Variants in STAG3 observed in about 807,000 individuals in gnomAD.
STAG3 encodes the protein STAG3 cohesin complex component.
In STAG3, 101 loss-of-function variants were observed where a neutral mutation model predicts 160.7. The ratio of observed to expected loss-of-function variants is 0.63; its 90% CI spans 0.54 to 0.74. STAG3 has a LOEUF of 0.74. Ranked by LOEUF, STAG3 falls within the 30% of genes least tolerant of loss-of-function variation. STAG3 has a pLI of 0.00. For missense variants in STAG3, 1,188 were observed against 1,517.4 expected (o/e 0.78, Z 3.61); for synonymous variants, 519 against 585.0 (o/e 0.89, Z 1.63).
rs1243589204 is a variant in STAG3 at position 100,182,337 on chromosome 7, C to G, written c.219+145C>G. The stretch of plus-strand genomic sequence containing the variant: ...TTGCGCCCCTGCACTCTAGCCTGGG[C>G]GACAGAGCGAGACTCCGTCTCAAAA... On this transcript the variant is annotated intron_variant, in intron 3 of 33. Transcript: ENST00000615138. The G allele has an allele frequency of 8.7e-6, 5 of 572,208 alleles. No homozygotes were observed. In the Admixed American group the frequency reaches 9.4e-5, roughly 11 times the overall value. 35.4% of individuals were successfully genotyped at this position (572,208 alleles called of 1,614,324 possible).
intron 6 of STAG3, 75 bp from the exon 7 acceptor site, chr7:100,188,737 T>G (rs1197950842): frequency 1.4e-6 from 2 of 1,474,886 alleles, no homozygotes; most frequent in Non-Finnish European, 1.9e-6. Context: ...GACTGTTGAG[T>G]TTTGACATCC....
intron 12 of STAG3, 91 bp from the exon 13 acceptor site, chr7:100,198,383 CT>C: frequency 7.1e-7 from 1 of 1,413,498 alleles, no homozygotes; most frequent in Non-Finnish European, 1.0e-6. Context: ...GAGTTATGTC[CT>C]TGTTGCTTTT....
chr7:100,201,605 T>G, intron 21 of STAG3, 181 bp from the exon 22 acceptor site: 1 of 644,896 alleles, frequency 1.6e-6, no homozygotes, highest in East Asian at 2.7e-5. Flanking sequence ...TAGGGAGCGG[T>G]GACATTTCTA....
At chr7:100,213,042 C>T (rs1255538016) in intron 32 of STAG3, 1 of 154,738 alleles carries the variant, frequency 6.5e-6, no homozygotes, top group African/African-American at 2.4e-5. Flanking sequence ...GTATGTATTT[C>T]TCACAGTTCT....
chr7:100,213,964 C>T (rs761280452), intron 33 of STAG3, 43 bp from the exon 34 acceptor site: 32 of 1,613,940 alleles, frequency 2.0e-5, no homozygotes, highest in Middle Eastern at 1.6e-4. Flanking sequence ...CCCATTGGCC[C>T]GTTGCTGTGT....
At chr7:100,191,991 TC>T (rs1286266593) in intron 8 of STAG3, among the ~76,000 whole-genome samples, 1 of 152,274 alleles carries the variant, frequency 6.6e-6, no homozygotes, top group African/African-American at 2.4e-5. Context: ...CTTTCCTTGC[TC>T]ATTCATAAGA....
chr7:100,199,214 G>A, intron 14 of STAG3, 48 bp from the exon 15 acceptor site: 1 of 1,265,646 alleles, frequency 7.9e-7, no homozygotes, highest in Non-Finnish European at 1.2e-6. Context: ...ACTTCGTAGG[G>A]TATTTTTAAC....
rs371789529 is a variant in STAG3 at position 100,211,450 on chromosome 7, A to G, written c.3429A>G (p.Ala1143=). The change falls in exon 31 of 34, where the codon GCA becomes GCG. Residue 1143 remains alanine, a synonymous_variant. Transcript: ENST00000615138. ...LDFAQGSQPV[A]GTERSRFLGP... ...TCATTCCCAGCAGTCAGCCCGTCGC[A>G]GGCACCGAGAGGTCAAGGTTCTTGG... 26 of 1,613,604 alleles carry G rather than the reference A, an allele frequency of 1.6e-5. No individual in the cohort carries two copies. The highest frequency in any genetic ancestry group is 2.2e-5 in the Non-Finnish European group (26 of 1,179,942).
At chr7:100,217,125 T>C (rs1802829308), downstream of STAG3, among the ~76,000 whole-genome samples, 1 of 152,274 alleles carries the variant, frequency 6.6e-6, no homozygotes, top group South Asian at 2.1e-4. Flanking sequence ...TTATCTACAC[T>C]TGATCTTGGC....
chr7:100,182,040 A>G (rs1258236663), intron 2 of STAG3, 50 bp from the exon 3 acceptor site: 5 of 1,380,724 alleles, frequency 3.6e-6, no homozygotes, highest in Non-Finnish European at 5.1e-6. Flanking sequence ...AGCCTTTTAT[A>G]TGGAGGGAAT....
rs914034998 is a variant in STAG3, at chr7:100,180,648, G to A, written c.92G>A (p.Arg31Lys). The change falls in exon 2 of 34, where the codon AGG becomes AAG. Residue 31 changes from arginine to lysine, a missense_variant. This residue lies in a region of STAG3 where 296 missense variants were observed against 404.0 expected (regional missense o/e 0.73). Coordinates refer to ENST00000615138, the MANE Select transcript of STAG3 (RefSeq NM_001282717.2). ...TCTGCCAGTCTACCCTTTGATGACA[G>A]GGACTCAAACCATACCTCAGAGGGG... The part of the protein sequence containing the change: ...SSSASLPFDD[R>K]DSNHTSEGNG... 8.1e-6 allele frequency: 13 copies of A among 1,611,394 alleles called. No individual in the cohort carries two copies. Among genetic ancestry groups the A allele is most frequent in the Middle Eastern group, 1.7e-4 (1 of 6,050 alleles).
chr7:100,182,524 A>AG (rs1490333395), intron 3 of STAG3, among the ~76,000 whole-genome samples, 199 bp from the exon 4 acceptor site: 1 of 152,160 alleles, frequency 6.6e-6, no homozygotes. Context: ...AGGGGACTCA[A>AG]GGACTTTTTT....
chr7:100,198,750 TATC>T (rs1800856940), intron 13 of STAG3, 90 bp from the exon 14 acceptor site: 1 of 1,298,688 alleles, frequency 7.7e-7, no homozygotes, highest in African/African-American at 1.5e-5. Context: ...CCTTTTCCTT[TATC>T]ATCTCCTTGG....
intron 8 of STAG3, among the ~76,000 whole-genome samples, chr7:100,193,939 CTTTTTT>C (rs57044186): frequency 1.1e-4 from 13 of 121,986 alleles, no homozygotes; most frequent in East Asian, 9.8e-4. Context: ...TTAATCATTT[CTTTTTT>C]TTTTTTTTTT....
At position 100,205,375 on chromosome 7, in the gene STAG3, C is replaced by T. The variant is rs747177515; in HGVS notation, c.3229C>T (p.Arg1077Cys). ...PQVLPSSKRRRVEGPAKPNRE... is the reference protein window; with the variant it reads ...PQVLPSSKRRCVEGPAKPNRE... ...GGTCCTCCCCAGCTCCAAGAGGAGG[C>T]GCGTTGAAGGTAGGGTGCTGTGTGT... is the stretch of plus-strand genomic sequence containing the variant. Residue 1077 changes from arginine (R) to cysteine (C), a missense_variant, in exon 29 of 34, where the codon CGC (arginine) becomes TGC (cysteine). This residue lies in a region of STAG3 where 647 missense variants were observed against 717.2 expected (regional missense o/e 0.90). Transcript: ENST00000615138. 9.9e-6 allele frequency: 16 copies of T among 1,612,536 alleles called. No individual in the cohort carries two copies. The highest frequency in any genetic ancestry group is 5.3e-5 in the African/African-American group (4 of 74,842).
At chr7:100,196,969 A>G (rs1800729624) in intron 9 of STAG3, among the ~76,000 whole-genome samples, 187 bp from the exon 10 acceptor site, 1 of 151,966 alleles carries the variant, frequency 6.6e-6, no homozygotes, top group African/African-American at 2.4e-5. Context: ...CCTATCCCTT[A>G]AAAAAAATAT....
chr7:100,199,405 C>T (rs114537080), intron 15 of STAG3, 38 bp downstream of exon 15: 3 of 1,589,042 alleles, frequency 1.9e-6, no homozygotes, highest in Non-Finnish European at 2.6e-6. Flanking sequence ...GGACCTTCCA[C>T]CCCCTAGGGT....
intron 3 of STAG3, 108 bp downstream of exon 3, chr7:100,182,300 A>G: frequency 1.3e-6 from 1 of 762,308 alleles, no homozygotes; most frequent in Non-Finnish European, 2.2e-6. Flanking sequence ...CAGAGCTTGC[A>G]GTGAGCCGAG....
downstream of STAG3, among the ~76,000 whole-genome samples, chr7:100,215,418 G>A (rs888252229): frequency 4.5e-4 from 68 of 152,106 alleles, no homozygotes; most frequent in Admixed American, 4.3e-3. Context: ...GGTAGCCCTC[G>A]GGGAGTCAGA....
Sources: allele counts gnomAD v4.1 joint callset (sites outside exome capture counted in the v4.1 genomes callset), GRCh38; gene constraint gnomAD v4.1.1; regional missense constraint gnomAD v4.1.1; transcripts MANE v1.5; gene names NCBI Gene and HGNC (gene_info 2026-07-23, HGNC 2026-07-21).